The following DUS2 variants were observed in gnomAD, a reference collection of about 807,000 sequenced individuals.
The protein encoded by DUS2 is dihydrouridine synthase 2.
DUS2 carries 52 observed loss-of-function variants against 71.3 expected under a neutral mutation model. That is an observed-to-expected ratio of 0.73 (90% confidence interval 0.58 to 0.92). The LOEUF is 0.92. DUS2 is among the 40% of genes least tolerant of loss of function. The probability of loss-of-function intolerance (pLI) is 0.00; values close to 1 mark genes in which losing one functional copy is unlikely to be tolerated. For missense variants in DUS2, 558 were observed against 622.6 expected (o/e 0.90, Z 1.10); for synonymous variants, 204 against 227.8 (o/e 0.90, Z 0.94).
intron 8 of DUS2, among the ~76,000 whole-genome samples, chr16:68,062,975 G>A (rs1344848115): frequency 6.6e-6 from 1 of 152,168 alleles, no homozygotes; most frequent in Non-Finnish European, 1.5e-5. Context: ...ACCTAGGAGA[G>A]GGGGCCCCAG....
At chr16:68,033,777 G>A (rs1202042134) in intron 2 of DUS2, among the ~76,000 whole-genome samples, 7 of 151,242 alleles carry the variant, frequency 4.6e-5, no homozygotes, top group Admixed American at 2.0e-4. Context: ...GATTACAGGC[G>A]CATGCCACCA....
chr16:68,067,800 C>T (rs949995595), intron 10 of DUS2, among the ~76,000 whole-genome samples: 17 of 152,138 alleles, frequency 1.1e-4, no homozygotes, highest in African/African-American at 4.1e-4. Flanking sequence ...GCTGAAACTA[C>T]AGGCACATGC....
rs746816082 is a variant in DUS2, at chr16:68,071,027, A to C, written c.729A>C (p.Arg243=). ...CAGCCTCTTCCGTGATGGTGGCCCG[A>C]GCAGCCATGTGGAACCCATCTATCT... The part of the protein sequence containing the change: ...ATAASSVMVA[R]AAMWNPSIFL... Residue 243 remains arginine (R), a synonymous_variant, in exon 12 of 17, where the codon CGA becomes CGC. Transcript: ENST00000565263. The C allele has an allele frequency of 3.1e-6, 5 of 1,614,200 alleles. No individual in the cohort carries two copies. In the Admixed American group the frequency reaches 6.7e-5, roughly 22 times the overall value.
intron 12 of DUS2, 44 bp from the exon 13 acceptor site, chr16:68,073,990 C>T (rs1423527632): frequency 6.2e-7 from 1 of 1,611,762 alleles, no homozygotes; most frequent in Admixed American, 1.7e-5. Flanking sequence ...TAGCCCAGGC[C>T]TTAGAGCCTG....
intron 3 of DUS2, 61 bp from the exon 4 acceptor site, chr16:68,049,444 A>G: frequency 6.3e-7 from 1 of 1,576,366 alleles, no homozygotes; most frequent in Non-Finnish European, 8.7e-7. Flanking sequence ...TGTGATGAAA[A>G]TCCTTCATGC....
intron 8 of DUS2, among the ~76,000 whole-genome samples, chr16:68,061,972 T>C (rs138347752): frequency 6.6e-6 from 1 of 151,760 alleles, no homozygotes; most frequent in African/African-American, 2.4e-5. Context: ...TTTTCCCATG[T>C]GCAGCCAGAG....
chr16:68,070,859 C>A, intron 11 of DUS2, 81 bp from the exon 12 acceptor site: 1 of 1,480,994 alleles, frequency 6.8e-7, no homozygotes, highest in Non-Finnish European at 9.3e-7. Flanking sequence ...TAATCAGTGG[C>A]AGATCTGAGA....
In DUS2 at chr16:68,074,143, C is replaced by T; in HGVS notation, c.920C>T (p.Ser307Phe). 6.2e-7 allele frequency: 1 copy of T among 1,614,116 alleles called. No homozygotes were observed. Among genetic ancestry groups the T allele is most frequent in the Admixed American group, 1.7e-5 (1 of 60,022 alleles). The part of the protein sequence containing the change: ...QGRLLHAAQS[S>F]REICEAFGLG... ...AGGTTGCTCCATGCTGCCCAGTCTTCCCGGGAAATTTGGTAAGAGGCACAA... is the reference window on the plus strand; with the variant it reads ...AGGTTGCTCCATGCTGCCCAGTCTTTCCGGGAAATTTGGTAAGAGGCACAA... Residue 307 changes from serine (S) to phenylalanine (F), a missense_variant, in exon 13 of 17, where the codon TCC becomes TTC. Transcript: ENST00000565263.
intron 3 of DUS2, among the ~76,000 whole-genome samples, chr16:68,047,838 T>G (rs185109045): frequency 5.3e-5 from 8 of 150,742 alleles, no homozygotes; most frequent in Non-Finnish European, 1.0e-4. Context: ...TGGCATGCAG[T>G]GGCACAATCA....
intron 3 of DUS2, among the ~76,000 whole-genome samples, chr16:68,044,983 G>T (rs2151416851): frequency 6.6e-6 from 1 of 151,960 alleles, no homozygotes; most frequent in African/African-American, 2.4e-5. Flanking sequence ...AATAGAAATG[G>T]GGTTTCACCA....
At chr16:68,076,865 C>T in intron 15 of DUS2, 146 bp downstream of exon 15, 1 of 562,940 alleles carries the variant, frequency 1.8e-6, no homozygotes, top group Non-Finnish European at 3.1e-6. Flanking sequence ...TTGCTGATAG[C>T]CCTCCCCTCT....
intron 8 of DUS2, among the ~76,000 whole-genome samples, chr16:68,065,802 C>CTT (rs77022946): frequency 1.4e-5 from 2 of 141,852 alleles, no homozygotes; most frequent in Non-Finnish European, 1.6e-5. Flanking sequence ...TTTTTTCTTA[C>CTT]TTTTTTTTTT....
chr16:68,029,485 T>G (rs2033406471), intron 2 of DUS2, among the ~76,000 whole-genome samples: 1 of 151,814 alleles, frequency 6.6e-6, no homozygotes, highest in Non-Finnish European at 1.5e-5. Context: ...CTTGCTCCAA[T>G]TTCCAGGCTG....
At chr16:68,078,255 C>G (rs2034186445) in intron 15 of DUS2, 190 bp from the exon 16 acceptor site, 2 of 622,326 alleles carry the variant, frequency 3.2e-6, no homozygotes. Flanking sequence ...GCTCCAGACA[C>G]TTGAGGTCAT....
chr16:68,029,378 A>C (rs1205794193), intron 2 of DUS2, among the ~76,000 whole-genome samples: 1 of 151,850 alleles, frequency 6.6e-6, no homozygotes, highest in Non-Finnish European at 1.5e-5. Context: ...CTTGGGCTCA[A>C]ATGATCCTCT....
At chr16:68,069,076 C>T (rs2034048898) in intron 10 of DUS2, among the ~76,000 whole-genome samples, 2 of 151,972 alleles carry the variant, frequency 1.3e-5, no homozygotes, top group East Asian at 1.9e-4. Context: ...ACAGGGCCCT[C>T]GACCCTTTTG....
At position 68,030,423 on chromosome 16, in the gene DUS2, G is replaced by A. The variant is rs1353640186; in HGVS notation, c.-19+4929G>A. The stretch of plus-strand genomic sequence containing the variant: ...AGTCTGGCCAACATGGTGAAACCCC[G>A]TCTCTACTGAAAACACAAAAATTGG... On this transcript the variant is annotated intron_variant, in intron 2 of 16. Transcript: ENST00000565263. Among the ~76,000 whole-genome samples, 34 of 151,840 alleles carry A rather than the reference G, an allele frequency of 2.2e-4. 1 individual carries two copies. Among genetic ancestry groups the A allele is most frequent in the Admixed American group, 2.2e-3 (33 of 15,206 alleles).
At chr16:68,061,449 G>A (rs1007422536) in intron 8 of DUS2, among the ~76,000 whole-genome samples, 1 of 152,214 alleles carries the variant, frequency 6.6e-6, no homozygotes, top group Non-Finnish European at 1.5e-5. Context: ...CAGCCCACCT[G>A]TGGTGAGGAC....
chr16:68,049,900 GCCTTAGTT>G (rs1158984764), intron 4 of DUS2, among the ~76,000 whole-genome samples: 4 of 152,198 alleles, frequency 2.6e-5, no homozygotes, highest in Non-Finnish European at 4.4e-5. Flanking sequence ...ACCTCTGTCT[GCCTTAGTT>G]CCTTTATCTG....
Sources: allele counts gnomAD v4.1 joint callset (sites outside exome capture counted in the v4.1 genomes callset), GRCh38; gene constraint gnomAD v4.1.1; transcripts MANE v1.5; gene names NCBI Gene and HGNC (gene_info 2026-07-23, HGNC 2026-07-21).